Variants in SHISAL1 observed in about 807,000 individuals in gnomAD.
The protein encoded by SHISAL1 is shisa like 1.
SHISAL1 carries 9 observed loss-of-function variants against 22.6 expected under a neutral mutation model. The ratio of observed to expected loss-of-function variants is 0.40; its 90% CI spans 0.24 to 0.70. The LOEUF (loss-of-function observed/expected upper bound fraction) is 0.70, where lower values mean the gene tolerates loss of function less well. Ranked by LOEUF, SHISAL1 falls within the 30% of genes least tolerant of loss-of-function variation. The pLI is 0.39. For synonymous variants in SHISAL1, 119 were observed against 115.4 expected (o/e 1.03, Z -0.20); for missense variants, 246 against 270.6 (o/e 0.91, Z 0.64).
chr22:44,253,425 ATGTTTTTTTTTT>A (rs2055062887), intron 4 of SHISAL1, among the ~76,000 whole-genome samples: 1 of 107,884 alleles, frequency 9.3e-6, no homozygotes. Context: ...GTATTAGTGC[ATGTTTTTTTTTT>A]TTTTTTTTTT....
intron 3 of SHISAL1, among the ~76,000 whole-genome samples, chr22:44,296,223 A>G (rs889076284): frequency 1.1e-4 from 15 of 133,138 alleles, no homozygotes; most frequent in Non-Finnish European, 4.7e-5. Context: ...CAATGGCGCC[A>G]TCTCTGCTCA....
intron 3 of SHISAL1, among the ~76,000 whole-genome samples, chr22:44,290,924 C>T (rs55670438): frequency 0.015 from 2,339 of 152,246 alleles, 45 homozygotes; most frequent in African/African-American, 0.049. Context: ...AGGGCAGTGG[C>T]GGTGTGTGGG....
At chr22:44,327,240 GCACACACA>G in the SHISAL1 span, among the ~76,000 whole-genome samples, 7,257 of 144,868 alleles carry the variant, frequency 0.05, 209 homozygotes, top group Non-Finnish European at 0.068. Context: ...TGGGGGGCGC[GCACACACA>G]CACACACACA....
chr22:44,313,581 C>T (rs2055536294), upstream of SHISAL1, among the ~76,000 whole-genome samples: 1 of 152,238 alleles, frequency 6.6e-6, no homozygotes, highest in African/African-American at 2.4e-5. Context: ...CCACACCTGC[C>T]ACTGTTCGAA....
At chr22:44,304,819 G>C (rs1404405971) in intron 1 of SHISAL1, among the ~76,000 whole-genome samples, 1 of 152,144 alleles carries the variant, frequency 6.6e-6, no homozygotes, top group Non-Finnish European at 1.5e-5. Context: ...GGCCCAATAA[G>C]AGTTGAAACA....
In SHISAL1 at chr22:44,310,073, C is replaced by T. The variant is rs771201199; in HGVS notation, c.-33+2678G>A. Among the ~76,000 whole-genome samples, 6 of 152,192 alleles carry T rather than the reference C, an allele frequency of 3.9e-5. No individual in the cohort carries two copies. Among genetic ancestry groups the T allele is most frequent in the Non-Finnish European group, 8.8e-5 (6 of 68,038 alleles). The stretch of plus-strand genomic sequence containing the variant: ...CCTGCAGCTGGGGTGCCGGGCTCCA[C>T]GGCTGACAGTGAGTGAGAAGGGCCA... On this transcript the variant is annotated intron_variant, in intron 1 of 4. Coordinates refer to ENST00000381176, the MANE Select transcript of SHISAL1 (RefSeq NM_001099294.2). This position sits in a 1 kb window ranked among gnomAD's most constrained non-coding sequence, Gnocchi z 4.0.
At chr22:44,304,611 T>C (rs750836996) in intron 1 of SHISAL1, among the ~76,000 whole-genome samples, 3 of 152,296 alleles carry the variant, frequency 2.0e-5, no homozygotes, top group Middle Eastern at 3.4e-3. Context: ...TTAATTGCTC[T>C]GAGCCTGGGC....
rs116933666 is a variant in SHISAL1, at chr22:44,281,828, G to A, written c.599+3600C>T. Among the ~76,000 whole-genome samples the A allele has an allele frequency of 8.4e-4, 128 of 152,314 alleles. 2 individuals are homozygous for A. In the East Asian group the frequency reaches 0.021, roughly 25 times the overall value. On this transcript the variant is annotated intron_variant, in intron 4 of 4. Coordinates refer to ENST00000381176, the MANE Select transcript of SHISAL1 (RefSeq NM_001099294.2). ...GCCCCGCTTCTCCGTGAAATTAAAC[G>A]AAGGCAGCTGAGCATTGTGACCATT...
At position 44,247,309 on chromosome 22, in the gene SHISAL1, C is replaced by G. The variant is rs978653379; in HGVS notation, c.*2376G>C. 2.0e-5 allele frequency: 3 copies of G among 152,228 alleles called. No homozygotes were observed. Among genetic ancestry groups the G allele is most frequent in the Non-Finnish European group, 4.4e-5 (3 of 68,086 alleles). The allele number at this position is 152,228 out of a possible 1,614,324, so 9.4% of individuals were successfully genotyped here. ...GGTCACGCTGTTCTCAGTGGCAGAG[C>G]TGATGTCAGAATCTGGGTCTTGGGC... is the stretch of plus-strand genomic sequence containing the variant. On this transcript the variant is annotated 3_prime_UTR_variant, in exon 5 of 5. Transcript: ENST00000381176.
chr22:44,314,201 C>T (rs928386032), upstream of SHISAL1, among the ~76,000 whole-genome samples: 11 of 1,918 alleles, frequency 5.7e-3, no homozygotes, highest in East Asian at 0.044. Flanking sequence ...GGCGGTGGGG[C>T]GGGGGTGGGG....
chr22:44,309,381 C>T (rs370271438), intron 1 of SHISAL1, among the ~76,000 whole-genome samples: 2 of 152,188 alleles, frequency 1.3e-5, no homozygotes, highest in African/African-American at 4.8e-5. Flanking sequence ...GCCCCACCAA[C>T]AGTCCTGCGG....
At chr22:44,264,080 C>T (rs941264536) in intron 4 of SHISAL1, among the ~76,000 whole-genome samples, 2 of 152,268 alleles carry the variant, frequency 1.3e-5, no homozygotes, top group East Asian at 3.9e-4. Flanking sequence ...TGTGGTGCGT[C>T]CACACAATGC....
chr22:44,311,148 TG>T (rs1439046948), intron 1 of SHISAL1, among the ~76,000 whole-genome samples: 1 of 151,860 alleles, frequency 6.6e-6, no homozygotes, highest in Non-Finnish European at 1.5e-5. Flanking sequence ...AGGGCTCCAG[TG>T]GGACAGGTCC....
intron 4 of SHISAL1, among the ~76,000 whole-genome samples, chr22:44,252,776 C>T (rs536003035): frequency 2.6e-5 from 4 of 151,954 alleles, no homozygotes; most frequent in Non-Finnish European, 4.4e-5. Context: ...AGGTAGATCA[C>T]GAGGTCAGGA....
rs1393339058 is a variant in SHISAL1, at chr22:44,300,934, A to C, written c.12T>G (p.Cys4Trp). ...CGAGCACGTTCAAGGACTGCTGGCC[A>C]CAACTGGTCATCGTCTGGCTTGCAT... MTS[C>W]GQQSLNVLAV... The change falls in exon 2 of 5, where the codon TGT becomes TGG. Residue 4 changes from cysteine (C) to tryptophan (W), a missense_variant. Physicochemically the swap from Cys to Trp is radical, Grantham distance 215. This residue lies in a region of SHISAL1 where 110 missense variants were observed against 153.1 expected (regional missense o/e 0.72). Transcript: ENST00000381176. 2.5e-6 allele frequency: 4 copies of C among 1,614,094 alleles called. No individual in the cohort carries two copies. The highest frequency in any genetic ancestry group is 3.4e-6 in the Non-Finnish European group (4 of 1,180,030).
intron 4 of SHISAL1, among the ~76,000 whole-genome samples, chr22:44,256,504 T>C (rs2055086140): frequency 1.3e-5 from 2 of 152,244 alleles, no homozygotes; most frequent in African/African-American, 2.4e-5. Context: ...CATACCAGCA[T>C]GTTCCTGTCT....
At chr22:44,321,454 C>T in the SHISAL1 span, among the ~76,000 whole-genome samples, 1 of 152,138 alleles carries the variant, frequency 6.6e-6, no homozygotes, top group Non-Finnish European at 1.5e-5. Context: ...CTGGGAGGGT[C>T]CCCTTGATGC....
At chr22:44,253,316 G>A (rs1460877685) in intron 4 of SHISAL1, among the ~76,000 whole-genome samples, 4 of 151,994 alleles carry the variant, frequency 2.6e-5, no homozygotes, top group Non-Finnish European at 4.4e-5. Flanking sequence ...GAGTCACCAT[G>A]AAGATCTAAC....
At chr22:44,265,296 G>C (rs1456567184) in intron 4 of SHISAL1, among the ~76,000 whole-genome samples, 3 of 152,108 alleles carry the variant, frequency 2.0e-5, no homozygotes, top group Non-Finnish European at 4.4e-5. Flanking sequence ...AAAGACTGTG[G>C]GTTCCACCGG....
Sources: allele counts gnomAD v4.1 joint callset (sites outside exome capture counted in the v4.1 genomes callset), GRCh38; gene constraint gnomAD v4.1.1; regional missense constraint gnomAD v4.1.1; non-coding constraint Gnocchi (gnomAD v3.1); transcripts MANE v1.5; gene names NCBI Gene and HGNC (gene_info 2026-07-23, HGNC 2026-07-21).